Variants in SAXO1 observed in about 807,000 individuals in gnomAD.
The protein encoded by SAXO1 is stabilizer of axonemal microtubules 1.
Under a neutral mutation model 17.5 loss-of-function variants are expected in SAXO1, and 21 were observed. That is an observed-to-expected ratio of 1.20 (90% CI 0.85 to 1.72). SAXO1 has a LOEUF of 1.72. Ranked by LOEUF, SAXO1 falls within the 40% of genes most tolerant of loss-of-function variation. SAXO1 has a pLI of 0.00. For missense variants in SAXO1, 843 were observed against 596.0 expected (o/e 1.41, Z -4.32); for synonymous variants, 274 against 216.5 (o/e 1.27, Z -2.33).
intron 3 of SAXO1, among the ~76,000 whole-genome samples, chr9:18,934,806 G>C (rs1831218401): frequency 6.6e-6 from 1 of 152,162 alleles, no homozygotes; most frequent in African/African-American, 2.4e-5. Flanking sequence ...TCCCCATTGG[G>C]AGTTGGTTTT....
intron 3 of SAXO1, among the ~76,000 whole-genome samples, chr9:18,932,576 C>G (rs2131673546): frequency 6.6e-6 from 1 of 152,274 alleles, no homozygotes; most frequent in South Asian, 2.1e-4. Flanking sequence ...GGAAAAGGAG[C>G]CTTCTGAGAT....
chr9:19,042,047 G>C (rs2131071778), intron 1 of SAXO1, among the ~76,000 whole-genome samples: 1 of 152,154 alleles, frequency 6.6e-6, no homozygotes, highest in East Asian at 1.9e-4. Context: ...CTACCCATCT[G>C]ATAAAAAATT....
chr9:18,997,538 T>C (rs555478401), intron 1 of SAXO1, among the ~76,000 whole-genome samples: 1 of 152,356 alleles, frequency 6.6e-6, no homozygotes, highest in East Asian at 1.9e-4. Flanking sequence ...GGGCAGGGCA[T>C]ATCTGAACAA....
chr9:18,939,915 C>A (rs184547780), intron 3 of SAXO1, among the ~76,000 whole-genome samples: 1 of 152,300 alleles, frequency 6.6e-6, no homozygotes, highest in Non-Finnish European at 1.5e-5. Flanking sequence ...GCTCTGCTCC[C>A]TTTCTGTGGA....
Position 19,011,848 on chromosome 9 carries a change from G to GTTTTTT in SAXO1, c.38+21022_38+21023insAAAAAA, listed in dbSNP as rs10646825. ...TTCAATTTTACCATTATTAAGCATAGATTTTTTTTTTTTTTTGAGATGGAG... is the reference window on the plus strand; with the variant it reads ...TTCAATTTTACCATTATTAAGCATAGTTTTTTATTTTTTTTTTTTTTTGAGATGGAG... On this transcript the variant is annotated intron_variant, in intron 1 of 3. Coordinates refer to ENST00000380534, the MANE Select transcript of SAXO1 (RefSeq NM_153707.4). Among the ~76,000 whole-genome samples the GTTTTTT allele has an allele frequency of 2.0e-4, 29 of 143,508 alleles. 5 individuals carry two copies. Among genetic ancestry groups the GTTTTTT allele is most frequent in the Non-Finnish European group, 1.8e-4 (12 of 66,492 alleles). 94.1% of individuals were successfully genotyped at this position (143,508 alleles called of 152,430 possible).
intron 3 of SAXO1, among the ~76,000 whole-genome samples, chr9:18,933,962 T>C (rs113589028): frequency 6.6e-5 from 10 of 152,052 alleles, no homozygotes; most frequent in African/African-American, 1.9e-4. Flanking sequence ...AGGAGAATGG[T>C]GTGAACCCGG....
At chr9:19,013,430 T>TA (rs1412154601) in intron 1 of SAXO1, among the ~76,000 whole-genome samples, 11 of 152,076 alleles carry the variant, frequency 7.2e-5, no homozygotes, top group African/African-American at 2.4e-4. Flanking sequence ...CCATGATGGC[T>TA]ATAGATAGAA....
chr9:18,932,400 G>C (rs1270489338), intron 3 of SAXO1, among the ~76,000 whole-genome samples: 2 of 152,176 alleles, frequency 1.3e-5, no homozygotes, highest in Non-Finnish European at 2.9e-5. Flanking sequence ...ACTTGTCTTT[G>C]TGTCAGTATA....
intron 3 of SAXO1, among the ~76,000 whole-genome samples, chr9:18,938,539 G>T (rs920555599): frequency 1.1e-4 from 16 of 151,918 alleles, no homozygotes; most frequent in African/African-American, 3.9e-4. Flanking sequence ...GGGCAGGGGG[G>T]TGCTAAACCA....
In SAXO1 at chr9:19,014,178, T is replaced by C. The variant is rs978179625; in HGVS notation, c.38+18693A>G. 2.0e-5 allele frequency among the ~76,000 whole-genome samples: 3 copies of C among 151,792 alleles called. No individual in the cohort carries two copies. In the East Asian group the frequency reaches 5.8e-4, roughly 30 times the overall value. On this transcript the variant is annotated intron_variant, in intron 1 of 3. Coordinates refer to ENST00000380534, the MANE Select transcript of SAXO1 (RefSeq NM_153707.4). ...ATCAAAGGCTTTAAATTGGCAAAAA[T>C]CACCGGGTACGGTGGCTCACACCTG...
intron 1 of SAXO1, among the ~76,000 whole-genome samples, chr9:19,032,651 A>C (rs1243648967): frequency 6.6e-6 from 1 of 152,198 alleles, no homozygotes; most frequent in Non-Finnish European, 1.5e-5. Context: ...GCAGTTCTCA[A>C]GTGAAGCGGC....
chr9:19,021,463 C>T (rs931111966), intron 1 of SAXO1, among the ~76,000 whole-genome samples: 5 of 152,184 alleles, frequency 3.3e-5, no homozygotes, highest in Admixed American at 6.5e-5. Context: ...CTCTTGAGGT[C>T]GCCAGCAGAG....
At chr9:19,009,807 A>G (rs1383890266) in intron 1 of SAXO1, among the ~76,000 whole-genome samples, 1 of 148,766 alleles carries the variant, frequency 6.7e-6, no homozygotes, top group East Asian at 2.0e-4. Flanking sequence ...AAAGAGGTGA[A>G]GTCCATTAAA....
intron 1 of SAXO1, among the ~76,000 whole-genome samples, chr9:19,020,243 G>C (rs943575317): frequency 1.3e-5 from 2 of 152,028 alleles, no homozygotes; most frequent in African/African-American, 2.4e-5. Context: ...CCTCCATTAT[G>C]ACTATGTGTA....
intron 1 of SAXO1, among the ~76,000 whole-genome samples, chr9:19,024,012 C>CTTTT (rs71333077): frequency 0.012 from 442 of 38,142 alleles, 36 homozygotes; most frequent in African/African-American, 0.016. Context: ...CTCTTTAAGG[C>CTTTT]TTTTTTTTTT....
At chr9:19,012,532 T>C (rs1269147957) in intron 1 of SAXO1, among the ~76,000 whole-genome samples, 1 of 152,164 alleles carries the variant, frequency 6.6e-6, no homozygotes, top group African/African-American at 2.4e-5. Flanking sequence ...TGGGGGACGG[T>C]GGGCACAGAG....
chr9:18,928,096 CATCTACAGAAAGATGGCTGCTCTGCTG>C lies in SAXO1; in HGVS notation c.1354_1380del (p.Gln452_Asp460del), dbSNP rs766663376. ...TCCCTCTGGTTGGGGTTTTCTGAAT[CATCTACAGAAAGATGGCTGCTCTGCTG>C]AGAGCCTGCCTGGGAAACTGGTTTG... is the stretch of plus-strand genomic sequence containing the variant. On this transcript the variant is annotated inframe_deletion, in exon 4 of 4. Coordinates refer to ENST00000380534, the MANE Select transcript of SAXO1 (RefSeq NM_153707.4). 3.1e-6 allele frequency: 5 copies of C among 1,612,552 alleles called. No homozygotes were observed. In the South Asian group the frequency reaches 5.5e-5, roughly 18 times the overall value.
In SAXO1 at chr9:19,047,156, C is replaced by T. The variant is rs570969241; in HGVS notation, c.-158+2053G>A. Among the ~76,000 whole-genome samples, 14 of 152,256 alleles carry T rather than the reference C, an allele frequency of 9.2e-5. No individual in the cohort carries two copies. In the South Asian group the frequency reaches 2.3e-3, roughly 25 times the overall value. On this transcript the variant is annotated intron_variant, in intron 1 of 3. Transcript: ENST00000542071. ...AAGCCGAGATAGTGCCACTGCACTC[C>T]GGCCTAGGCTGCTGAGCAAGACTCC...
At chr9:19,046,113 A>C (rs993705601) in intron 1 of SAXO1, among the ~76,000 whole-genome samples, 6 of 151,318 alleles carry the variant, frequency 4.0e-5, no homozygotes, top group African/African-American at 1.5e-4. Context: ...AGGAGAACAT[A>C]AGGAGAACAT....
Sources: gnomAD v4.1 joint callset for allele counts (sites outside exome capture counted in the v4.1 genomes callset) on GRCh38, gnomAD v4.1.1 for gene constraint, MANE v1.5 for transcripts, NCBI Gene and HGNC (gene_info 2026-07-23, HGNC 2026-07-21) for gene names.